The following BOC variants were observed in gnomAD, a reference collection of about 807,000 sequenced individuals.
The protein encoded by BOC is BOC cell adhesion associated, oncogene regulated, also known as brother of CDO.
A neutral mutation model predicts 112.0 loss-of-function variants in BOC; 76 were observed. The observed-to-expected ratio is 0.68, with a 90% confidence interval of 0.56 to 0.82. The LOEUF (loss-of-function observed/expected upper bound fraction) is 0.82. Ranked by LOEUF, BOC falls within the 40% of genes least tolerant of loss-of-function variation. The pLI, the probability that BOC is intolerant of heterozygous loss-of-function variation, is 0.00. For synonymous variants in BOC, 580 were observed against 599.8 expected, an observed-to-expected ratio of 0.97 and a Z score of 0.48; for missense variants, 1,309 against 1,511.7, an observed-to-expected ratio of 0.87 and a Z score of 2.22.
Position 113,238,496 on chromosome 3 carries a change from C to T in BOC, c.-81-11226C>T, listed in dbSNP as rs548913283. Among the ~76,000 whole-genome samples the T allele has an allele frequency of 1.1e-4, 17 of 152,250 alleles. No homozygotes were observed. In the South Asian group the frequency reaches 2.3e-3, roughly 20 times the overall value. ...CACCCAGATGCTCACTTGCTTTTTA[C>T]GAAATGGGATCTATGTTACTTTTCT... On this transcript the variant is annotated intron_variant, in intron 2 of 19. Transcript: ENST00000682979.
At chr3:113,283,725 C>CAAGAAGACAGATT in intron 16 of BOC, 93 bp downstream of exon 16, 1 of 1,261,832 alleles carries the variant, frequency 7.9e-7, no homozygotes, top group African/African-American at 1.5e-5. Context: ...CCATGGAAAG[C>CAAGAAGACAGATT]TCAAGCCCAA....
chr3:113,280,741 A>T, intron 14 of BOC, 78 bp downstream of exon 14: 5 of 1,233,288 alleles, frequency 4.1e-6, no homozygotes, highest in Non-Finnish European at 6.0e-6. Context: ...GTATTGGTGA[A>T]ATCTGGTGAA....
chr3:113,228,031 G>A (rs1360292721), intron 2 of BOC, among the ~76,000 whole-genome samples: 2 of 152,150 alleles, frequency 1.3e-5, no homozygotes, highest in Non-Finnish European at 2.9e-5. Context: ...CATTGCCCAG[G>A]TACTAGGGTT....
intron 2 of BOC, among the ~76,000 whole-genome samples, chr3:113,230,607 A>G (rs1328182299): frequency 6.6e-6 from 1 of 152,220 alleles, no homozygotes; most frequent in East Asian, 1.9e-4. Flanking sequence ...AAGATCATTC[A>G]TATGTATTAG....
intron 4 of BOC, among the ~76,000 whole-genome samples, chr3:113,264,121 C>G (rs1947193762): frequency 1.3e-5 from 2 of 152,188 alleles, no homozygotes; most frequent in Non-Finnish European, 2.9e-5. Flanking sequence ...TCTCAGAAAT[C>G]ACAAAGCTCT....
chr3:113,215,253 A>C (rs1939127682), intron 1 of BOC, among the ~76,000 whole-genome samples: 1 of 152,190 alleles, frequency 6.6e-6, no homozygotes, highest in Non-Finnish European at 1.5e-5. Flanking sequence ...GTTTATGAAA[A>C]GCTTGCCTAA....
At chr3:113,215,072 G>C (rs573902786) in intron 1 of BOC, among the ~76,000 whole-genome samples, 2 of 152,340 alleles carry the variant, frequency 1.3e-5, no homozygotes, top group South Asian at 4.1e-4. Context: ...AAGACTCAGA[G>C]AACAGATGTA....
In BOC at chr3:113,274,923, A is replaced by G. The variant is rs150244193; in HGVS notation, c.1542+241A>G. ...AGGAAAAAGCCTTGTGCGTGCATCC[A>G]GTACTAAGCTCTATGCACTCAATTC... On this transcript the variant is annotated intron_variant, in intron 9 of 19. Coordinates refer to ENST00000682979, the MANE Select transcript of BOC (RefSeq NM_001378074.1). This position sits in a 1 kb window ranked among gnomAD's most constrained non-coding sequence, Gnocchi z 4.8. 2.1e-3 allele frequency among the ~76,000 whole-genome samples: 323 copies of G among 152,350 alleles called. No homozygotes were observed. Among genetic ancestry groups the G allele is most frequent in the Non-Finnish European group, 3.3e-3 (225 of 68,030 alleles).
At chr3:113,253,590 A>G (rs990379767) in intron 4 of BOC, among the ~76,000 whole-genome samples, 3 of 142,220 alleles carry the variant, frequency 2.1e-5, no homozygotes, top group African/African-American at 7.4e-5. Context: ...GCATACAGTA[A>G]AGTACACAAA....
intron 1 of BOC, among the ~76,000 whole-genome samples, chr3:113,213,253 G>C (rs949558308): frequency 8.5e-5 from 13 of 152,206 alleles, no homozygotes; most frequent in Non-Finnish European, 1.6e-4. Context: ...TGAGTGGACT[G>C]AGTGAAGATT....
intron 6 of BOC, chr3:113,271,765 C>CT (rs1230920559): frequency 6.1e-6 from 1 of 165,274 alleles, no homozygotes; most frequent in African/African-American, 2.4e-5. Context: ...GAACGGCACA[C>CT]ATTAGAGAGT....
At chr3:113,246,692 A>AT (rs76484161) in intron 2 of BOC, among the ~76,000 whole-genome samples, 29,964 of 151,890 alleles carry the variant, frequency 0.2, 3,799 homozygotes, top group East Asian at 0.46. Context: ...ACATAGCCAT[A>AT]TTTTTTGGTC....
At chr3:113,219,393 C>G (rs949109779) in intron 2 of BOC, among the ~76,000 whole-genome samples, 15 of 152,206 alleles carry the variant, frequency 9.9e-5, no homozygotes, top group African/African-American at 3.6e-4. Context: ...TAAAGCACTC[C>G]AAGCATTATC....
At chr3:113,241,302 C>T (rs1173572281) in intron 2 of BOC, among the ~76,000 whole-genome samples, 1 of 152,146 alleles carries the variant, frequency 6.6e-6, no homozygotes, top group Non-Finnish European at 1.5e-5. Flanking sequence ...GGTGCTCTTC[C>T]AGAGACCACA....
chr3:113,251,116 C>G, intron 4 of BOC: 1 of 590,302 alleles, frequency 1.7e-6, no homozygotes, highest in South Asian at 2.1e-5. Context: ...CAGAACTGTT[C>G]CGTGGGCCCC....
intron 2 of BOC, among the ~76,000 whole-genome samples, chr3:113,238,021 G>A (rs1051201326): frequency 2.6e-5 from 4 of 152,188 alleles, no homozygotes; most frequent in Non-Finnish European, 4.4e-5. Context: ...ACAGATGCAT[G>A]ATCAAAACCC....
rs759352827 is a variant in BOC, at chr3:113,274,378, T to C, written c.1238T>C (p.Ile413Thr). The change falls in exon 9 of 20, where the codon ATA becomes ACA. Residue 413 changes from isoleucine to threonine, a missense_variant. By Grantham distance (89) the Ile-to-Thr change is moderately conservative (BLOSUM62 -1). Coordinates refer to ENST00000682979, the MANE Select transcript of BOC (RefSeq NM_001378074.1). The surrounding 1 kb of genome is among the most constrained non-coding windows in gnomAD (Gnocchi z 4.8). ...CTGCTTCCTGTTGGTCCTCCAGGCA[T>C]AACCCCAAGGCTATGGCAGGATGCT... is the stretch of plus-strand genomic sequence containing the variant. ...VVQLRTSRPS[I>T]TPRLWQDAEL... is the part of the protein sequence containing the mutation. 1.3e-6 allele frequency: 2 copies of C among 1,514,106 alleles called. No homozygotes were observed. Among genetic ancestry groups the C allele is most frequent in the South Asian group, 2.6e-5 (2 of 76,300 alleles). 93.8% of individuals were successfully genotyped at this position (1,514,106 alleles called of 1,614,324 possible).
chr3:113,277,954 G>C (rs77783422), intron 9 of BOC, 141 bp from the exon 10 acceptor site: 1 of 1,091,404 alleles, frequency 9.2e-7, no homozygotes, highest in Admixed American at 2.1e-5. Context: ...GTCCGAGGCT[G>C]TGCCACCCTA....
At chr3:113,233,305 G>A (rs537895055) in intron 2 of BOC, among the ~76,000 whole-genome samples, 1 of 152,170 alleles carries the variant, frequency 6.6e-6, no homozygotes, top group Non-Finnish European at 1.5e-5. Context: ...CAGCACCTGA[G>A]ACCTATTTTG....
Sources: allele counts gnomAD v4.1 joint callset (sites outside exome capture counted in the v4.1 genomes callset), GRCh38; gene constraint gnomAD v4.1.1; non-coding constraint Gnocchi (gnomAD v3.1); transcripts MANE v1.5; gene names NCBI Gene and HGNC (gene_info 2026-07-23, HGNC 2026-07-21).